ZBTB10: variants seen among roughly 807,000 people sequenced by gnomAD.
ZBTB10 encodes zinc finger and BTB domain containing 10.
Under a neutral mutation model 76.4 loss-of-function variants are expected in ZBTB10, and 32 were observed. The ratio of observed to expected loss-of-function variants is 0.42; its 90% CI spans 0.32 to 0.56. The LOEUF is 0.56. Ranked by LOEUF, ZBTB10 falls within the 20% of genes least tolerant of loss-of-function variation. The pLI is 0.14. For missense variants in ZBTB10, 1,057 were observed against 1,098.5 expected (o/e 0.96, Z 0.53); for synonymous variants, 523 against 432.9 (o/e 1.21, Z -2.58).
In ZBTB10 at chr8:80,522,123, T is replaced by A. The variant is rs938808224; in HGVS notation, c.*2595T>A. On this transcript the variant is annotated 3_prime_UTR_variant, in exon 6 of 6. Transcript: ENST00000455036. The stretch of plus-strand genomic sequence containing the variant: ...GAGGGACTGCCTTTTCCCATCTAGA[T>A]CTTTTAAAAAAATAGTTTTAGTACT... 6.6e-6 allele frequency: 1 copy of A among 151,892 alleles called. No individual in the cohort carries two copies. Among genetic ancestry groups the A allele is most frequent in the African/African-American group, 2.4e-5 (1 of 41,426 alleles). 9.4% of individuals were successfully genotyped at this position (151,892 alleles called of 1,614,324 possible).
Position 80,486,837 on chromosome 8 carries a change from G to A in ZBTB10, c.27G>A (p.Arg9=). 2 of 1,501,820 alleles carry A rather than the reference G, an allele frequency of 1.3e-6. No individual in the cohort carries two copies. Among genetic ancestry groups the A allele is most frequent in the Non-Finnish European group, 1.8e-6 (2 of 1,127,904 alleles). 93.0% of individuals were successfully genotyped at this position (1,501,820 alleles called of 1,614,324 possible). A position where few individuals can be genotyped will look rare whatever the true frequency, so the allele number is the denominator to read the frequency against. The stretch of plus-strand genomic sequence containing the variant: ...TGTCGTTCAGTGAAATGAACCGCAG[G>A]ACGCTGGCGTTCCGAGGAGGCGGGT... MSFSEMNR[R]TLAFRGGGLV... is the part of the protein sequence containing the mutation. Residue 9 remains arginine, a synonymous_variant, in exon 1 of 6, where the codon AGG becomes AGA. Coordinates refer to ENST00000455036, the MANE Select transcript of ZBTB10 (RefSeq NM_001105539.3).
chr8:80,496,042 G>A (rs1328169369), intron 1 of ZBTB10, among the ~76,000 whole-genome samples: 1 of 152,168 alleles, frequency 6.6e-6, no homozygotes, highest in Admixed American at 6.5e-5. Flanking sequence ...CATTTGAAAA[G>A]ACCAGTTGTG....
intron 1 of ZBTB10, among the ~76,000 whole-genome samples, chr8:80,495,042 C>T (rs983034573): frequency 4.0e-5 from 6 of 151,862 alleles, no homozygotes; most frequent in Admixed American, 2.6e-4. Flanking sequence ...TTTGCTATTT[C>T]GATTATATCA....
intron 2 of ZBTB10, among the ~76,000 whole-genome samples, chr8:80,508,803 A>G (rs970070527): frequency 1.3e-5 from 2 of 152,180 alleles, no homozygotes; most frequent in African/African-American, 4.8e-5. Flanking sequence ...GTCTATAGGT[A>G]TAACTAGTTA....
intron 2 of ZBTB10, among the ~76,000 whole-genome samples, chr8:80,501,883 C>G (rs552683582): frequency 2.0e-4 from 30 of 152,310 alleles, no homozygotes; most frequent in Middle Eastern, 3.4e-3. Flanking sequence ...TGACAGATTT[C>G]TCATTAGAGC....
chr8:80,487,207 C>A lies in ZBTB10; in HGVS notation c.397C>A (p.Leu133Ile). Reference sequence around the variant, plus strand: ...CTTCCGAGGCGGCGGCGGCGGGGGTCTCGGCAACAATGGCAGTAGCCGCGG... The same window carrying A: ...CTTCCGAGGCGGCGGCGGCGGGGGTATCGGCAACAATGGCAGTAGCCGCGG... ...LAFRGGGGGG[L>I]GNNGSSRGRP... is the part of the protein sequence containing the mutation. The change falls in exon 1 of 6, where the codon CTC becomes ATC. Residue 133 changes from leucine to isoleucine, a missense_variant. Coordinates refer to ENST00000455036, the MANE Select transcript of ZBTB10 (RefSeq NM_001105539.3). 1 of 1,542,808 alleles carries A rather than the reference C, an allele frequency of 6.5e-7. No individual in the cohort carries two copies. The highest frequency in any genetic ancestry group is 8.7e-7 in the Non-Finnish European group (1 of 1,146,628).
At chr8:80,498,681 G>C (rs1052678559) in intron 1 of ZBTB10, among the ~76,000 whole-genome samples, 12 of 152,228 alleles carry the variant, frequency 7.9e-5, no homozygotes, top group African/African-American at 2.9e-4. Flanking sequence ...GTTAATGGCT[G>C]ATACAGACAG....
At chr8:80,496,052 G>A (rs1225152721) in intron 1 of ZBTB10, among the ~76,000 whole-genome samples, 1 of 152,064 alleles carries the variant, frequency 6.6e-6, no homozygotes, top group East Asian at 1.9e-4. Context: ...GACCAGTTGT[G>A]GAAATAGTAA....
intron 1 of ZBTB10, among the ~76,000 whole-genome samples, chr8:80,498,783 T>G (rs1318170944): frequency 6.6e-6 from 1 of 152,234 alleles, no homozygotes; most frequent in African/African-American, 2.4e-5. Flanking sequence ...AATACCTGTA[T>G]GATAAGAAGC....
chr8:80,499,503 A>G lies in ZBTB10; in HGVS notation c.982A>G (p.Ile328Val). 2 of 1,585,242 alleles carry G rather than the reference A, an allele frequency of 1.3e-6. No homozygotes were observed. The highest frequency in any genetic ancestry group is 1.2e-5 in the South Asian group (1 of 85,484). The change falls in exon 2 of 6, where the codon ATA (isoleucine) becomes GTA (valine). Residue 328 changes from isoleucine (I) to valine (V), a missense_variant. Around this residue, in one of 5 missense-constraint regions of ZBTB10, gnomAD observed 86 missense variants for 145.7 expected, o/e 0.59. Transcript: ENST00000455036. ...LHEANAQESE[I>V]PSEEGYCDFN... is the part of the protein sequence containing the mutation. ...TTTTATCCAATTACAGGAGTCAGAA[A>G]TACCATCAGAGGAGGGGTACTGTGA...
chr8:80,493,441 A>G (rs1400444642), intron 1 of ZBTB10, among the ~76,000 whole-genome samples: 1 of 152,148 alleles, frequency 6.6e-6, no homozygotes, highest in Non-Finnish European at 1.5e-5. Flanking sequence ...TCAAATGTGT[A>G]TGTGTTTCAA....
At position 80,487,062 on chromosome 8, in the gene ZBTB10, C is replaced by T. The variant is rs1316770465; in HGVS notation, c.252C>T (p.Ala84=). Residue 84 remains alanine, a synonymous_variant, in exon 1 of 6, where the codon GCC becomes GCT. Transcript: ENST00000455036. ...PQDLEASAGP[A]AGAAEEAKEL... ...ACCTGGAGGCCTCCGCCGGGCCGGC[C>T]GCCGGCGCCGCCGAGGAAGCCAAGG... 5 of 1,515,510 alleles carry T rather than the reference C, an allele frequency of 3.3e-6. No individual in the cohort carries two copies. The highest frequency in any genetic ancestry group is 2.1e-5 in the Admixed American group (1 of 47,920). The allele number at this position is 1,515,510 out of a possible 1,614,324, so 93.9% of individuals were successfully genotyped here.
At position 80,519,381 on chromosome 8, in the gene ZBTB10, A is replaced by C; in HGVS notation, c.2469A>C (p.Gly823=). Residue 823 remains glycine (G), a synonymous_variant, in exon 6 of 6, where the codon GGA becomes GGC. Transcript: ENST00000455036. ...GAGGGCAAGAAGGTGTAGATCAGGG[A>C]CAGGATACAGAATTCCCTCGGGATG... ...QPGGQEGVDQ[G]QDTEFPRDEE... The C allele has an allele frequency of 6.3e-7, 1 of 1,585,210 alleles. No individual in the cohort carries two copies. Among genetic ancestry groups the C allele is most frequent in the Non-Finnish European group, 8.6e-7 (1 of 1,166,254 alleles).
At chr8:80,504,641 C>G (rs1473831276) in intron 2 of ZBTB10, among the ~76,000 whole-genome samples, 1 of 152,080 alleles carries the variant, frequency 6.6e-6, no homozygotes, top group Admixed American at 6.6e-5. Context: ...AAATTTCTGT[C>G]CTAAGAGAAT....
At chr8:80,488,135 G>A (rs947569329) in intron 1 of ZBTB10, among the ~76,000 whole-genome samples, 5 of 152,174 alleles carry the variant, frequency 3.3e-5, no homozygotes, top group Non-Finnish European at 7.3e-5. Flanking sequence ...TTTATTAGCT[G>A]TGATTTTAGA....
intron 2 of ZBTB10, among the ~76,000 whole-genome samples, chr8:80,513,002 C>T (rs543891501): frequency 6.6e-6 from 1 of 152,078 alleles, no homozygotes; most frequent in Non-Finnish European, 1.5e-5. Flanking sequence ...AAGTGGACTA[C>T]TTTTCCCCTA....
At chr8:80,501,118 G>A (rs1439847215) in intron 2 of ZBTB10, among the ~76,000 whole-genome samples, 4 of 152,004 alleles carry the variant, frequency 2.6e-5, no homozygotes, top group Non-Finnish European at 5.9e-5. Flanking sequence ...TGCTTGCCTC[G>A]GCCTCCCAAA....
At position 80,487,054 on chromosome 8, in the gene ZBTB10, GGGCC is replaced by G; in HGVS notation, c.250_253del (p.Ala84ProfsTer31). ...GCCCCAAGACCTGGAGGCCTCCGCC[GGGCC>G]GGCCGCCGGCGCCGCCGAGGAAGCC... On this transcript the variant is annotated frameshift_variant, in exon 1 of 6. Transcript: ENST00000455036. LOFTEE classifies it high-confidence loss of function. 1 of 1,516,926 alleles carries G rather than the reference GGGCC, an allele frequency of 6.6e-7. No individual in the cohort carries two copies. Among genetic ancestry groups the G allele is most frequent in the Non-Finnish European group, 8.8e-7 (1 of 1,139,356 alleles). The allele number at this position is 1,516,926 out of a possible 1,614,324, so 94.0% of individuals were successfully genotyped here. A position where few individuals can be genotyped will look rare whatever the true frequency, so the allele number is the denominator to read the frequency against.
chr8:80,519,588 G>T lies in ZBTB10; in HGVS notation c.*60G>T. ...GGACCTAATATGAATCGACAATTTG[G>T]ATTGTTGAACTTGAAGGCTTGCAAA... On this transcript the variant is annotated 3_prime_UTR_variant, in exon 6 of 6. Coordinates refer to ENST00000455036, the MANE Select transcript of ZBTB10 (RefSeq NM_001105539.3). 1 of 1,486,412 alleles carries T rather than the reference G, an allele frequency of 6.7e-7. No homozygotes were observed. The highest frequency in any genetic ancestry group is 9.0e-7 in the Non-Finnish European group (1 of 1,106,074). The allele number at this position is 1,486,412 out of a possible 1,614,324, so 92.1% of individuals were successfully genotyped here.
Sources: allele counts gnomAD v4.1 joint callset (sites outside exome capture counted in the v4.1 genomes callset), GRCh38; gene constraint gnomAD v4.1.1; regional missense constraint gnomAD v4.1.1; transcripts MANE v1.5; gene names NCBI Gene and HGNC (gene_info 2026-07-23, HGNC 2026-07-21).